NAALADL2: variants seen among roughly 807,000 people sequenced by gnomAD.
The protein encoded by NAALADL2 is N-acetylated alpha-linked acidic dipeptidase like 2.
A neutral mutation model predicts 87.2 loss-of-function variants in NAALADL2; 76 were observed. That is an observed-to-expected ratio of 0.87 (90% CI 0.72 to 1.05). The LOEUF is 1.05. NAALADL2 is among the 50% of genes least tolerant of loss of function. The probability of loss-of-function intolerance (pLI) is 0.00; values close to 1 mark genes in which losing one functional copy is unlikely to be tolerated. For missense variants in NAALADL2, 1,089 were observed against 945.8 expected, an observed-to-expected ratio of 1.15 and a Z score of -1.99; for synonymous variants, 354 against 331.0, an observed-to-expected ratio of 1.07 and a Z score of -0.75.
intron 1 of NAALADL2, among the ~76,000 whole-genome samples, chr3:174,952,867 T>G (rs1740588161): frequency 6.6e-6 from 1 of 152,100 alleles, no homozygotes; most frequent in Non-Finnish European, 1.5e-5. Context: ...CACTTGTAGG[T>G]CAAATGAATA....
At chr3:174,574,184 A>G (rs1715260035) in intron 2 of NAALADL2, among the ~76,000 whole-genome samples, 1 of 152,208 alleles carries the variant, frequency 6.6e-6, no homozygotes, top group Admixed American at 6.5e-5. Flanking sequence ...TCTGAATTCC[A>G]GTAGACATAT....
intron 3 of NAALADL2, among the ~76,000 whole-genome samples, chr3:175,244,173 T>C (rs1327685317): frequency 6.6e-6 from 1 of 152,188 alleles, no homozygotes; most frequent in African/African-American, 2.4e-5. Context: ...TTGTGTCTTA[T>C]AATAGTTTTA....
chr3:175,437,809 T>C (rs1718969625), intron 5 of NAALADL2, among the ~76,000 whole-genome samples: 1 of 152,170 alleles, frequency 6.6e-6, no homozygotes, highest in Non-Finnish European at 1.5e-5. Flanking sequence ...GCATAATCTA[T>C]ATATTCTTTT....
chr3:175,114,968 G>T (rs1048808932), intron 2 of NAALADL2, among the ~76,000 whole-genome samples: 7 of 151,442 alleles, frequency 4.6e-5, no homozygotes, highest in Non-Finnish European at 1.0e-4. Flanking sequence ...AACTAATCTG[G>T]GTCCTTTCCT....
At chr3:175,634,954 G>T (rs116187616) in intron 11 of NAALADL2, among the ~76,000 whole-genome samples, 1 of 151,950 alleles carries the variant, frequency 6.6e-6, no homozygotes, top group Admixed American at 6.6e-5. Context: ...CAATGCGAAG[G>T]TTGTACTTTG....
intron 1 of NAALADL2, among the ~76,000 whole-genome samples, chr3:175,078,106 C>G (rs992653424): frequency 6.6e-6 from 1 of 151,760 alleles, no homozygotes; most frequent in African/African-American, 2.4e-5. Context: ...ATCACTGCAA[C>G]CTCTGCCTCC....
At chr3:175,053,595 C>T (rs1580209093) in intron 1 of NAALADL2, among the ~76,000 whole-genome samples, 1 of 152,198 alleles carries the variant, frequency 6.6e-6, no homozygotes, top group African/African-American at 2.4e-5. Flanking sequence ...TGGAGAAACA[C>T]AAGCATAACC....
intron 2 of NAALADL2, among the ~76,000 whole-genome samples, chr3:175,139,868 C>A (rs1473904023): frequency 6.6e-6 from 1 of 152,008 alleles, no homozygotes; most frequent in Non-Finnish European, 1.5e-5. Context: ...CAAAGGGGTA[C>A]CAACTGATAA....
chr3:175,116,022 A>T, intron 2 of NAALADL2, among the ~76,000 whole-genome samples: 1 of 152,006 alleles, frequency 6.6e-6, no homozygotes, highest in East Asian at 1.9e-4. Context: ...AAGGCCTTCG[A>T]CAAAATTCAA....
intron 2 of NAALADL2, among the ~76,000 whole-genome samples, chr3:175,164,487 T>C (rs62283042): frequency 7.2e-4 from 110 of 152,168 alleles, no homozygotes; most frequent in African/African-American, 2.4e-3. Flanking sequence ...TTTTAAAAGG[T>C]AAAAGTATCG....
intron 11 of NAALADL2, among the ~76,000 whole-genome samples, chr3:175,696,308 A>C (rs1177516167): frequency 3.3e-5 from 5 of 152,170 alleles, no homozygotes; most frequent in African/African-American, 7.2e-5. Flanking sequence ...TGAAGCATAC[A>C]TGGCAAACTA....
At chr3:175,553,160 C>T (rs1464104136) in intron 9 of NAALADL2, among the ~76,000 whole-genome samples, 1 of 152,084 alleles carries the variant, frequency 6.6e-6, no homozygotes, top group East Asian at 1.9e-4. Flanking sequence ...ACAGAAATAA[C>T]TCATCTCATA....
intron 1 of NAALADL2, among the ~76,000 whole-genome samples, chr3:174,501,443 C>G (rs1240434231): frequency 6.6e-6 from 1 of 152,058 alleles, no homozygotes; most frequent in East Asian, 1.9e-4. Context: ...GGAAATATTC[C>G]TTCCTCTCAG....
chr3:174,906,396 ATGAT>A (rs528072664), intron 1 of NAALADL2, among the ~76,000 whole-genome samples: 17 of 152,078 alleles, frequency 1.1e-4, no homozygotes, highest in Admixed American at 2.6e-4. Flanking sequence ...AGAATACAGA[ATGAT>A]TGATTGAATG....
At chr3:175,022,125 A>G (rs1437543765) in intron 1 of NAALADL2, among the ~76,000 whole-genome samples, 3 of 152,100 alleles carry the variant, frequency 2.0e-5, no homozygotes, top group Middle Eastern at 6.8e-3. Flanking sequence ...CTATAACTGA[A>G]AGCTTCCTGA....
At chr3:174,676,143 G>A (rs146470570) in intron 2 of NAALADL2, among the ~76,000 whole-genome samples, 11 of 151,934 alleles carry the variant, frequency 7.2e-5, no homozygotes, top group African/African-American at 2.7e-4. Flanking sequence ...TGTCATTGAA[G>A]GTTTATTCTT....
rs78943174 is a variant in NAALADL2 at position 175,534,948 on chromosome 3, C to T, written c.1654-41093C>T. ...TCCTTTAAGGGCTTCGTCCATACAACGAGACCTACTTGTTCAGAAGTCCTC... is the reference window on the plus strand; with the variant it reads ...TCCTTTAAGGGCTTCGTCCATACAATGAGACCTACTTGTTCAGAAGTCCTC... On this transcript the variant is annotated intron_variant, in intron 9 of 13. Coordinates refer to ENST00000454872, the MANE Select transcript of NAALADL2 (RefSeq NM_207015.3). Among the ~76,000 whole-genome samples the T allele has an allele frequency of 8.0e-3, 1,209 of 151,660 alleles. 4 individuals carry two copies. The highest frequency in any genetic ancestry group is 0.013 in the Non-Finnish European group (899 of 67,914).
chr3:175,201,272 G>A (rs974597456), intron 2 of NAALADL2, among the ~76,000 whole-genome samples: 2 of 152,124 alleles, frequency 1.3e-5, no homozygotes, highest in Non-Finnish European at 2.9e-5. Context: ...ATATCTGGTT[G>A]ATGAAAACAT....
chr3:174,901,432 A>G (rs930094968), intron 1 of NAALADL2, among the ~76,000 whole-genome samples: 1 of 152,164 alleles, frequency 6.6e-6, no homozygotes, highest in Non-Finnish European at 1.5e-5. Flanking sequence ...ATTAACATGA[A>G]GTAGGCTTTA....
Sources: gnomAD v4.1 joint callset for allele counts (sites outside exome capture counted in the v4.1 genomes callset) on GRCh38, gnomAD v4.1.1 for gene constraint, MANE v1.5 for transcripts, NCBI Gene and HGNC (gene_info 2026-07-23, HGNC 2026-07-21) for gene names.